Variants in RB1 observed in about 807,000 individuals in gnomAD.
RB1 encodes the protein retinoblastoma-associated protein.
RB1 carries 18 observed loss-of-function variants against 135.4 expected under a neutral mutation model. The ratio of observed to expected loss-of-function variants is 0.13; its 90% CI spans 0.09 to 0.20. The LOEUF is 0.20. Ranked by LOEUF, RB1 falls within the 10% of genes least tolerant of loss-of-function variation. The probability of loss-of-function intolerance (pLI) is 1.00; values close to 1 mark genes in which losing one functional copy is unlikely to be tolerated. For synonymous variants in RB1, 365 were observed against 373.2 expected, an observed-to-expected ratio of 0.98 and a Z score of 0.25; for missense variants, 868 against 1,110.0, an observed-to-expected ratio of 0.78 and a Z score of 3.10.
At position 48,318,768 on chromosome 13, in the gene RB1, T is replaced by A. The variant is rs4151431; in HGVS notation, c.264+11362T>A. On this transcript the variant is annotated intron_variant, in intron 2 of 26. Coordinates refer to ENST00000267163, the MANE Select transcript of RB1 (RefSeq NM_000321.3). ...GAGGGGGGCCTTGGGGCCACTGGTC[T>A]GGCTGTTGGGGCCAGGCGGTGAAAG... The A allele has an allele frequency of 8.7e-3, 6,085 of 701,920 alleles. 31 individuals are homozygous for A. The highest frequency in any genetic ancestry group is 0.012 in the Non-Finnish European group (4,666 of 393,492). 43.5% of individuals were successfully genotyped at this position (701,920 alleles called of 1,614,324 possible). A position where few individuals can be genotyped will look rare whatever the true frequency, so the allele number is the denominator to read the frequency against.
intron 1 of RB1, among the ~76,000 whole-genome samples, chr13:48,304,763 CT>C (rs201851578): frequency 4.7e-5 from 7 of 150,322 alleles, no homozygotes; most frequent in African/African-American, 9.8e-5. Context: ...AGTTTCTAAA[CT>C]TTTTTTTTTC....
chr13:48,462,195 C>T (rs1949410291), intron 20 of RB1, among the ~76,000 whole-genome samples: 1 of 151,798 alleles, frequency 6.6e-6, no homozygotes, highest in South Asian at 2.1e-4. Flanking sequence ...ATGATCACAG[C>T]TCACTGCAGC....
chr13:48,431,239 A>C (rs896782269), intron 17 of RB1, among the ~76,000 whole-genome samples: 4 of 152,296 alleles, frequency 2.6e-5, no homozygotes, highest in African/African-American at 9.6e-5. Context: ...TTAGGTACCC[A>C]AATTTAATAT....
chr13:48,426,086 C>G (rs1229200071), intron 17 of RB1, among the ~76,000 whole-genome samples: 2 of 152,126 alleles, frequency 1.3e-5, no homozygotes, highest in Non-Finnish European at 2.9e-5. Context: ...ATCCAGAATC[C>G]TTGATTTCTA....
intron 1 of RB1, among the ~76,000 whole-genome samples, chr13:48,305,322 C>T (rs1275010788): frequency 6.6e-6 from 1 of 152,166 alleles, no homozygotes; most frequent in Non-Finnish European, 1.5e-5. Flanking sequence ...AATGGACTGT[C>T]TTATAGGTCA....
intron 4 of RB1, 63 bp from the exon 5 acceptor site, chr13:48,347,761 GA>G: frequency 2.6e-6 from 3 of 1,134,976 alleles, no homozygotes; most frequent in Non-Finnish European, 3.9e-6. Context: ...TAAAGCATGA[GA>G]AAACTACTAT....
rs1265459908 is a variant in RB1 at position 48,307,308 on chromosome 13, G to A, written c.166G>A (p.Asp56Asn). The A allele has an allele frequency of 6.2e-7, 1 of 1,609,508 alleles. No individual in the cohort carries two copies. The highest frequency in any genetic ancestry group is 2.2e-5 in the East Asian group (1 of 44,736). Residue 56 changes from aspartate to asparagine, a missense_variant, in exon 2 of 27, where the codon GAT becomes AAT. By Grantham distance (23) the Asp-to-Asn change is conservative. This residue lies in a region of RB1 where 641 missense variants were observed against 791.3 expected (regional missense o/e 0.81). Transcript: ENST00000267163. The part of the protein sequence containing the change: ...RLEFEETEEP[D>N]FTALCQKLKI... ...TGAGTTTGAAGAAACAGAAGAACCT[G>A]ATTTTACTGCATTATGTCAGAAATT... is the stretch of plus-strand genomic sequence containing the variant.
At chr13:48,316,961 CT>C (rs1045816300) in intron 2 of RB1, 3 of 382,480 alleles carry the variant, frequency 7.8e-6, no homozygotes, top group Non-Finnish European at 1.5e-5. Context: ...TGCCCTGGTC[CT>C]GGTCGTCCCT....
At chr13:48,328,520 G>A in intron 2 of RB1, 1 of 771,194 alleles carries the variant, frequency 1.3e-6, no homozygotes, top group South Asian at 1.4e-5. Flanking sequence ...CCAGCTCATT[G>A]CGACTTTTCC....
chr13:48,381,900 G>A (rs1034309489), intron 17 of RB1, among the ~76,000 whole-genome samples: 6 of 28,718 alleles, frequency 2.1e-4, no homozygotes, highest in Non-Finnish European at 3.1e-4. Flanking sequence ...CTGTGTCCAC[G>A]TGTTCTCATT....
At chr13:48,365,080 C>A in intron 9 of RB1, 109 bp downstream of exon 9, 2 of 1,299,956 alleles carry the variant, frequency 1.5e-6, no homozygotes, top group Non-Finnish European at 2.0e-6. Flanking sequence ...TTTTTTTTTG[C>A]CCAAGAAGAA....
intron 4 of RB1, among the ~76,000 whole-genome samples, 188 bp downstream of exon 4, chr13:48,345,387 C>T (rs1952483714): frequency 6.6e-6 from 1 of 152,136 alleles, no homozygotes; most frequent in Non-Finnish European, 1.5e-5. Flanking sequence ...CTGAATGCTT[C>T]CTGGAAAATT....
intron 24 of RB1, among the ~76,000 whole-genome samples, chr13:48,475,963 A>T (rs925558643): frequency 3.9e-5 from 6 of 152,222 alleles, no homozygotes; most frequent in African/African-American, 1.2e-4. Flanking sequence ...ATTGGGAAAA[A>T]GTTGAATGTA....
rs183764828 is a variant in RB1, at chr13:48,336,813, G to A, written c.265-5786G>A. Among the ~76,000 whole-genome samples the A allele has an allele frequency of 5.1e-3, 778 of 151,998 alleles. 7 individuals are homozygous for A. The highest frequency in any genetic ancestry group is 0.018 in the African/African-American group (748 of 41,452). ...GGATGTTTCCTGCTTTCTCTTGTGG[G>A]CATTTAGTGCTATAAATTTCCCTCT... On this transcript the variant is annotated intron_variant, in intron 2 of 26. Coordinates refer to ENST00000267163, the MANE Select transcript of RB1 (RefSeq NM_000321.3).
At chr13:48,433,441 A>G (rs1949150400) in intron 17 of RB1, among the ~76,000 whole-genome samples, 1 of 152,162 alleles carries the variant, frequency 6.6e-6, no homozygotes, top group Non-Finnish European at 1.5e-5. Flanking sequence ...CTTGCTTTGT[A>G]ACTTAAAAGA....
rs577096516 is a variant in RB1, at chr13:48,350,017, T to C, written c.607+994T>C. 2.6e-5 allele frequency among the ~76,000 whole-genome samples: 4 copies of C among 152,216 alleles called. No homozygotes were observed. In the South Asian group the frequency reaches 8.3e-4, roughly 32 times the overall value. ...CAGTGTTAAATATTTATGCAACTAATACTGGAGCACCCAGATATATAAAGC... is the reference window on the plus strand; with the variant it reads ...CAGTGTTAAATATTTATGCAACTAACACTGGAGCACCCAGATATATAAAGC... On this transcript the variant is annotated intron_variant, in intron 6 of 26. Transcript: ENST00000267163.
intron 17 of RB1, among the ~76,000 whole-genome samples, chr13:48,402,747 A>T (rs1042296395): frequency 1.3e-5 from 2 of 152,016 alleles, no homozygotes; most frequent in African/African-American, 2.4e-5. Flanking sequence ...CCCTCGTTTT[A>T]GGTAGCTAAG....
intron 17 of RB1, among the ~76,000 whole-genome samples, chr13:48,414,683 T>G (rs2138214061): frequency 6.6e-6 from 1 of 152,326 alleles, no homozygotes; most frequent in Admixed American, 6.5e-5. Flanking sequence ...TTGTGTTGTT[T>G]TGCACCATTC....
rs2138140935 is a variant in RB1 at position 48,379,623 on chromosome 13, C to T, written c.1362C>T (p.Tyr454=). The change falls in exon 14 of 27, where the codon TAC becomes TAT. Residue 454 remains tyrosine (Y), a synonymous_variant. Coordinates refer to ENST00000267163, the MANE Select transcript of RB1 (RefSeq NM_000321.3). ...QRYKLGVRLY[Y]RVMESMLKSE... ...ACAAACTTGGAGTTCGCTTGTATTACCGAGTAATGGAATCCATGCTTAAAT... is the reference window on the plus strand; with the variant it reads ...ACAAACTTGGAGTTCGCTTGTATTATCGAGTAATGGAATCCATGCTTAAAT... The T allele has an allele frequency of 6.2e-7, 1 of 1,612,066 alleles. No homozygotes were observed. Among genetic ancestry groups the T allele is most frequent in the African/African-American group, 1.3e-5 (1 of 74,768 alleles).
Sources: gnomAD v4.1 joint callset for allele counts (sites outside exome capture counted in the v4.1 genomes callset) on GRCh38, gnomAD v4.1.1 for gene constraint, gnomAD v4.1.1 regional missense constraint, MANE v1.5 for transcripts, NCBI Gene and HGNC (gene_info 2026-07-23, HGNC 2026-07-21) for gene names.